STPG2: variants seen among roughly 807,000 people sequenced by gnomAD.
The protein encoded by STPG2 is sperm tail PG-rich repeat containing 2, also known as sperm-tail PG-rich repeat-containing protein 2.
A neutral mutation model predicts 54.2 loss-of-function variants in STPG2; 56 were observed. That is an observed-to-expected ratio of 1.03 (90% CI 0.83 to 1.29). The LOEUF (loss-of-function observed/expected upper bound fraction) is 1.29. STPG2 is among the 50% of genes most tolerant of loss of function. The pLI is 0.00. For missense variants in STPG2, 596 were observed against 544.9 expected (o/e 1.09, Z -0.93); for synonymous variants, 200 against 181.8 (o/e 1.10, Z -0.81).
chr4:98,090,140 G>C (rs1042658277), intron 5 of STPG2, among the ~76,000 whole-genome samples: 1 of 151,884 alleles, frequency 6.6e-6, no homozygotes, highest in Non-Finnish European at 1.5e-5. Flanking sequence ...AATGTCTAAA[G>C]CAGTTTTTCT....
intron 1 of STPG2, among the ~76,000 whole-genome samples, chr4:98,135,696 AG>A: frequency 6.6e-6 from 1 of 151,876 alleles, no homozygotes; most frequent in Non-Finnish European, 1.5e-5. Flanking sequence ...AGGAAGGGAA[AG>A]GGAGGAAAGA....
intron 10 of STPG2, among the ~76,000 whole-genome samples, chr4:97,588,679 A>C (rs1733059154): frequency 6.6e-6 from 1 of 152,094 alleles, no homozygotes; most frequent in African/African-American, 2.4e-5. Flanking sequence ...TATTTTTTAA[A>C]AATTGACAGG....
intron 8 of STPG2, among the ~76,000 whole-genome samples, chr4:97,845,710 T>C (rs980491989): frequency 2.6e-5 from 4 of 152,196 alleles, no homozygotes; most frequent in South Asian, 2.1e-4. Flanking sequence ...GATAAACCTC[T>C]GCATTAAATT....
chr4:97,551,388 A>C (rs1731962979), intron 4 of STPG2, among the ~76,000 whole-genome samples: 5 of 152,238 alleles, frequency 3.3e-5, no homozygotes, highest in African/African-American at 1.2e-4. Context: ...TGTAATTGTC[A>C]AATAAAAGTA....
chr4:98,014,744 T>C (rs1735877512), intron 5 of STPG2, among the ~76,000 whole-genome samples: 1 of 152,174 alleles, frequency 6.6e-6, no homozygotes, highest in African/African-American at 2.4e-5. Context: ...AGTTATTGCT[T>C]TCATTTCTCT....
intron 5 of STPG2, among the ~76,000 whole-genome samples, chr4:98,042,691 C>A (rs1314720591): frequency 1.3e-5 from 2 of 149,302 alleles, no homozygotes; most frequent in Admixed American, 1.3e-4. Flanking sequence ...TTTTGATTTT[C>A]AAAAATTTAT....
chr4:97,868,872 GTCA>G (rs1729883955), intron 8 of STPG2, among the ~76,000 whole-genome samples: 1 of 151,734 alleles, frequency 6.6e-6, no homozygotes, highest in African/African-American at 2.4e-5. Context: ...CTTTTAAAAG[GTCA>G]TCCTTACATT....
intron 8 of STPG2, among the ~76,000 whole-genome samples, chr4:97,873,907 G>C (rs1730081630): frequency 6.6e-6 from 1 of 150,976 alleles, no homozygotes; most frequent in Non-Finnish European, 1.5e-5. Flanking sequence ...TTTATTTTTT[G>C]AAAGTTTCTA....
intron 5 of STPG2, among the ~76,000 whole-genome samples, chr4:98,079,161 C>A (rs1195605081): frequency 6.6e-6 from 1 of 152,120 alleles, no homozygotes; most frequent in African/African-American, 2.4e-5. Context: ...AATACTTTTG[C>A]ATAAACTGTT....
intron 8 of STPG2, among the ~76,000 whole-genome samples, chr4:97,862,769 A>C (rs1729604430): frequency 6.6e-6 from 1 of 152,222 alleles, no homozygotes; most frequent in African/African-American, 2.4e-5. Flanking sequence ...GTGCAATCAA[A>C]TTAGAACTCA....
At chr4:97,989,293 G>A (rs761918835) in intron 5 of STPG2, among the ~76,000 whole-genome samples, 2 of 152,188 alleles carry the variant, frequency 1.3e-5, no homozygotes, top group South Asian at 2.1e-4. Flanking sequence ...AATACATAGC[G>A]TTAGCCTATT....
At chr4:97,663,690 T>C (rs1722441718) in intron 10 of STPG2, among the ~76,000 whole-genome samples, 1 of 152,214 alleles carries the variant, frequency 6.6e-6, no homozygotes, top group African/African-American at 2.4e-5. Context: ...AAGGCAGTTC[T>C]GTGTCATTGG....
chr4:97,529,209 C>T (rs889750261), intron 4 of STPG2, among the ~76,000 whole-genome samples: 3 of 152,152 alleles, frequency 2.0e-5, no homozygotes, highest in Non-Finnish European at 2.9e-5. Flanking sequence ...TGAATTTTAT[C>T]GAATGCCTTT....
intron 8 of STPG2, among the ~76,000 whole-genome samples, chr4:97,900,640 G>A (rs1270188393): frequency 6.6e-6 from 1 of 152,038 alleles, no homozygotes; most frequent in Non-Finnish European, 1.5e-5. Flanking sequence ...GATAGATCTG[G>A]AGGCCATTAT....
chr4:97,459,819 C>T (rs1293264121), intron 4 of STPG2, among the ~76,000 whole-genome samples: 1 of 152,114 alleles, frequency 6.6e-6, no homozygotes, highest in Non-Finnish European at 1.5e-5. Flanking sequence ...TTTGTAAAAT[C>T]TATATTAGTG....
At chr4:97,762,015 T>TG (rs1725902445) in intron 9 of STPG2, among the ~76,000 whole-genome samples, 1 of 151,984 alleles carries the variant, frequency 6.6e-6, no homozygotes, top group South Asian at 2.1e-4. Context: ...CTAAGTGAAC[T>TG]GGGAAAAAAA....
At chr4:97,686,306 T>A (rs1032375913) in intron 10 of STPG2, among the ~76,000 whole-genome samples, 2 of 151,960 alleles carry the variant, frequency 1.3e-5, no homozygotes, top group African/African-American at 4.8e-5. Flanking sequence ...CTATTGATCC[T>A]GGAGGGCTCA....
intron 9 of STPG2, among the ~76,000 whole-genome samples, chr4:97,757,632 C>T (rs566443963): frequency 3.9e-5 from 6 of 152,252 alleles, no homozygotes; most frequent in Admixed American, 3.9e-4. Flanking sequence ...TATTAACCAC[C>T]TCTAATATAC....
At chr4:97,906,918 T>C (rs1424195795) in intron 8 of STPG2, among the ~76,000 whole-genome samples, 9 of 151,950 alleles carry the variant, frequency 5.9e-5, no homozygotes, top group Non-Finnish European at 1.0e-4. Context: ...TCATACTGAA[T>C]GGGCAAAAAC....
Sources: gnomAD v4.1 joint callset for allele counts (sites outside exome capture counted in the v4.1 genomes callset) on GRCh38, gnomAD v4.1.1 for gene constraint, MANE v1.5 for transcripts, NCBI Gene and HGNC (gene_info 2026-07-23, HGNC 2026-07-21) for gene names.